Variants in TNNI3K observed in about 807,000 individuals in gnomAD.
TNNI3K encodes serine/threonine-protein kinase TNNI3K.
Under a neutral mutation model 114.5 loss-of-function variants are expected in TNNI3K, and 140 were observed. That is an observed-to-expected ratio of 1.22 (90% CI 1.07 to 1.41). The LOEUF is 1.41. Ranked by LOEUF, TNNI3K falls within the 40% of genes most tolerant of loss-of-function variation. TNNI3K has a pLI of 0.00. For synonymous variants in TNNI3K, 347 were observed against 347.5 expected, an observed-to-expected ratio of 1.00 and a Z score of 0.02; for missense variants, 1,125 against 1,007.6, an observed-to-expected ratio of 1.12 and a Z score of -1.58.
At chr1:74,240,936 C>T (rs1399045865) in intron 2 of TNNI3K, 2 of 152,030 alleles carry the variant, frequency 1.3e-5, no homozygotes, top group Non-Finnish European at 2.9e-5. Context: ...TCCCCCTCCC[C>T]ACACCCCACA....
chr1:74,288,687 A>C (rs950247804), intron 5 of TNNI3K, among the ~76,000 whole-genome samples: 1 of 152,056 alleles, frequency 6.6e-6, no homozygotes, highest in Non-Finnish European at 1.5e-5. Flanking sequence ...AATTCTGGAG[A>C]TCTAATGTAC....
chr1:74,483,411 G>A (rs945321428), intron 21 of TNNI3K: 1 of 710,536 alleles, frequency 1.4e-6, no homozygotes, highest in Non-Finnish European at 2.6e-6. Context: ...ATATCATAAT[G>A]TTGGCATTCA....
At chr1:74,490,924 T>G (rs947688643) in intron 22 of TNNI3K, among the ~76,000 whole-genome samples, 1 of 152,226 alleles carries the variant, frequency 6.6e-6, no homozygotes, top group Non-Finnish European at 1.5e-5. Context: ...GGTGGAGACC[T>G]GGCTTAGGAG....
At chr1:74,309,381 A>AAAAAAAAAAAAAAAAG (rs1553129785) in intron 5 of TNNI3K, among the ~76,000 whole-genome samples, 1 of 143,964 alleles carries the variant, frequency 6.9e-6, no homozygotes, top group African/African-American at 2.7e-5. Flanking sequence ...AAAAAAAAAA[A>AAAAAAAAAAAAAAAAG]GAAGAGATAA....
rs561797171 is a variant in TNNI3K, at chr1:74,317,838, A to G, written c.445-13612A>G. ...ATTGTCTCTGTTGGTCCATTTCCCAATCAGTAGTAGTTTCTTCAGATGGAC... is the reference window on the plus strand; with the variant it reads ...ATTGTCTCTGTTGGTCCATTTCCCAGTCAGTAGTAGTTTCTTCAGATGGAC... On this transcript the variant is annotated intron_variant, in intron 5 of 24. Coordinates refer to ENST00000326637, the MANE Select transcript of TNNI3K (RefSeq NM_015978.3). Among the ~76,000 whole-genome samples, 50 of 152,216 alleles carry G rather than the reference A, an allele frequency of 3.3e-4. 1 individual carries two copies. Among genetic ancestry groups the G allele is most frequent in the South Asian group, 1.9e-3 (9 of 4,816 alleles).
intron 5 of TNNI3K, among the ~76,000 whole-genome samples, chr1:74,323,735 C>G (rs550077469): frequency 1.1e-4 from 17 of 152,120 alleles, no homozygotes; most frequent in Admixed American, 4.6e-4. Context: ...AGCAAAATAT[C>G]TATAGCTATC....
At chr1:74,253,349 C>A (rs1161658430) in intron 4 of TNNI3K, among the ~76,000 whole-genome samples, 1 of 152,206 alleles carries the variant, frequency 6.6e-6, no homozygotes, top group African/African-American at 2.4e-5. Context: ...ACTCCTCAGC[C>A]CTTGGGCAGT....
chr1:74,276,566 T>A (rs1656698399), intron 5 of TNNI3K, among the ~76,000 whole-genome samples: 1 of 152,102 alleles, frequency 6.6e-6, no homozygotes, highest in Non-Finnish European at 1.5e-5. Context: ...GCTAAAAATT[T>A]AGGTGCTTAT....
chr1:74,322,348 T>C (rs1321249543), intron 5 of TNNI3K, among the ~76,000 whole-genome samples: 2 of 152,190 alleles, frequency 1.3e-5, no homozygotes, highest in Non-Finnish European at 2.9e-5. Context: ...AAGTTTTATC[T>C]TCATGTTCAT....
At chr1:74,408,837 C>T (rs1444885045) in intron 17 of TNNI3K, among the ~76,000 whole-genome samples, 2 of 152,092 alleles carry the variant, frequency 1.3e-5, no homozygotes, top group Admixed American at 1.3e-4. Flanking sequence ...AATTTCATAA[C>T]GTAGGTCTGT....
At chr1:74,258,385 A>G (rs1406942431) in intron 4 of TNNI3K, among the ~76,000 whole-genome samples, 1 of 152,212 alleles carries the variant, frequency 6.6e-6, no homozygotes, top group East Asian at 1.9e-4. Flanking sequence ...GCTTTGTGGC[A>G]GAAAAGTATT....
chr1:74,395,077 CT>C, intron 17 of TNNI3K, among the ~76,000 whole-genome samples: 1 of 151,974 alleles, frequency 6.6e-6, no homozygotes, highest in Middle Eastern at 3.4e-3. Flanking sequence ...CTTAAAGCCC[CT>C]ACACAACAAC....
Position 74,328,007 on chromosome 1 carries a change from A to G in TNNI3K, c.445-3443A>G, listed in dbSNP as rs560539662. Among the ~76,000 whole-genome samples, 4 of 152,150 alleles carry G rather than the reference A, an allele frequency of 2.6e-5. No individual in the cohort carries two copies. In the East Asian group the frequency reaches 5.8e-4, roughly 22 times the overall value. ...AAACTCCAATAACAGGTCTTGGAATATAGCAAACACTTGAGATTTGCTGAA... is the reference window on the plus strand; with the variant it reads ...AAACTCCAATAACAGGTCTTGGAATGTAGCAAACACTTGAGATTTGCTGAA... On this transcript the variant is annotated intron_variant, in intron 5 of 24. Transcript: ENST00000326637.
intron 20 of TNNI3K, among the ~76,000 whole-genome samples, chr1:74,457,315 C>T (rs1242213408): frequency 6.6e-6 from 1 of 152,118 alleles, no homozygotes; most frequent in African/African-American, 2.4e-5. Flanking sequence ...TGAGAACAGA[C>T]AATGGAACAA....
intron 4 of TNNI3K, among the ~76,000 whole-genome samples, chr1:74,253,488 C>G (rs1044177233): frequency 6.6e-5 from 10 of 152,160 alleles, no homozygotes; most frequent in African/African-American, 2.2e-4. Context: ...CCCTGCCGCA[C>G]GGGGAGGCAG....
At chr1:74,489,564 T>C (rs989764770) in intron 22 of TNNI3K, among the ~76,000 whole-genome samples, 1 of 152,252 alleles carries the variant, frequency 6.6e-6, no homozygotes, top group Non-Finnish European at 1.5e-5. Context: ...AATTATTTAA[T>C]CAATTTTTAT....
intron 4 of TNNI3K, among the ~76,000 whole-genome samples, chr1:74,269,158 C>T (rs1268123992): frequency 6.6e-6 from 1 of 151,792 alleles, no homozygotes; most frequent in Non-Finnish European, 1.5e-5. Flanking sequence ...TGAAGCTTTC[C>T]CTGATTAACC....
chr1:74,458,774 A>G (rs1462331671), intron 20 of TNNI3K, among the ~76,000 whole-genome samples: 1 of 152,138 alleles, frequency 6.6e-6, no homozygotes, highest in Non-Finnish European at 1.5e-5. Context: ...ACTGTTATTC[A>G]ACTTCTATTT....
intron 23 of TNNI3K, among the ~76,000 whole-genome samples, chr1:74,536,855 CTG>C: frequency 6.6e-6 from 1 of 152,262 alleles, no homozygotes; most frequent in East Asian, 1.9e-4. Flanking sequence ...AGCTGCATCA[CTG>C]TATTTTCACT....
Sources: allele counts gnomAD v4.1 joint callset (sites outside exome capture counted in the v4.1 genomes callset), GRCh38; gene constraint gnomAD v4.1.1; transcripts MANE v1.5; gene names NCBI Gene and HGNC (gene_info 2026-07-23, HGNC 2026-07-21).